LYSET: variants seen among roughly 807,000 people sequenced by gnomAD.
LYSET encodes the protein lysosomal enzyme trafficking factor.
the LYSET span, chr14:93,185,231 C>T: frequency 4.9e-6 from 2 of 411,794 alleles, no homozygotes; most frequent in African/African-American, 2.1e-5. Flanking sequence ...GCCTCCCTGC[C>T]GGGTCAGGTT....
the LYSET span, among the ~76,000 whole-genome samples, chr14:93,187,933 AT>A: frequency 6.6e-6 from 1 of 152,044 alleles, no homozygotes; most frequent in Non-Finnish European, 1.5e-5. Context: ...GATTACAGGC[AT>A]GAGCCACCAT....
At chr14:93,185,248 G>A in the LYSET span, 1 of 532,718 alleles carries the variant, frequency 1.9e-6, no homozygotes, top group Non-Finnish European at 3.1e-6. Flanking sequence ...GGTTCTCAGA[G>A]CGGGTCTCCG....
chr14:93,186,655 A>C, the LYSET span: 1 of 1,598,798 alleles, frequency 6.3e-7, no homozygotes, highest in Non-Finnish European at 8.5e-7. Context: ...AGCAGACTAC[A>C]ACTGATTGAC....
the LYSET span, chr14:93,186,697 A>G: frequency 6.4e-7 from 1 of 1,561,938 alleles, no homozygotes; most frequent in South Asian, 1.2e-5. Flanking sequence ...TTTCCCTACG[A>G]TTACAAAACT....
chr14:93,186,818 T>G, the LYSET span: 2 of 818,392 alleles, frequency 2.4e-6, no homozygotes, highest in Non-Finnish European at 3.7e-6. Context: ...GCTATCTTTA[T>G]CTGAATAATA....
At chr14:93,187,889 G>C in the LYSET span, among the ~76,000 whole-genome samples, 1 of 150,964 alleles carries the variant, frequency 6.6e-6, no homozygotes, top group Non-Finnish European at 1.5e-5. Flanking sequence ...CCTAACTAAG[G>C]TAATCCACTT....
At chr14:93,187,489 G>A in the LYSET span, among the ~76,000 whole-genome samples, 4 of 151,880 alleles carry the variant, frequency 2.6e-5, no homozygotes, top group East Asian at 3.9e-4. Flanking sequence ...CCCTGAGAAC[G>A]TACGCTCCAA....
At chr14:93,186,211 C>T in the LYSET span, 13 of 1,526,170 alleles carry the variant, frequency 8.5e-6, no homozygotes, top group East Asian at 2.6e-5. Context: ...GAGTAGTTGC[C>T]GTGACAGCAT....
At chr14:93,187,441 T>A in the LYSET span, among the ~76,000 whole-genome samples, 86 of 150,766 alleles carry the variant, frequency 5.7e-4, no homozygotes, top group East Asian at 2.3e-3. Context: ...ATTAAAAAAA[T>A]TTTTTTTTTC....
the LYSET span, chr14:93,186,325 T>A: frequency 6.2e-7 from 1 of 1,614,198 alleles, no homozygotes; most frequent in Non-Finnish European, 8.5e-7. Flanking sequence ...GGATTGTATC[T>A]GTTAGCCAGT....
chr14:93,187,817 T>G, the LYSET span, among the ~76,000 whole-genome samples: 1 of 151,090 alleles, frequency 6.6e-6, no homozygotes, highest in Non-Finnish European at 1.5e-5. Flanking sequence ...CCTGGCTGAT[T>G]TTTGTTATTT....
chr14:93,186,653 A>G, the LYSET span: 2 of 1,599,144 alleles, frequency 1.3e-6, no homozygotes, highest in South Asian at 1.1e-5. Context: ...TCAGCAGACT[A>G]CAACTGATTG....
At chr14:93,186,377 C>A in the LYSET span, 4 of 1,614,110 alleles carry the variant, frequency 2.5e-6, no homozygotes, top group Non-Finnish European at 3.4e-6. Context: ...GTGAGACTTA[C>A]AACAGGCTGG....
chr14:93,185,402 T>A, the LYSET span: 1 of 1,611,794 alleles, frequency 6.2e-7, no homozygotes, highest in Non-Finnish European at 8.5e-7. Flanking sequence ...TGGCTTTCTC[T>A]GAAATGCCAA....
the LYSET span, chr14:93,185,162 C>A: frequency 6.0e-6 from 1 of 165,406 alleles, no homozygotes; most frequent in Non-Finnish European, 1.3e-5. Flanking sequence ...CGCGGCGTGC[C>A]GGCGCTGCAG....
At chr14:93,185,867 T>TA in the LYSET span, among the ~76,000 whole-genome samples, 1 of 85,032 alleles carries the variant, frequency 1.2e-5, no homozygotes, top group Non-Finnish European at 2.3e-5. Flanking sequence ...ATTTTAGAAT[T>TA]CTTTTTTTTT....
At chr14:93,185,400 T>A in the LYSET span, 1 of 1,611,636 alleles carries the variant, frequency 6.2e-7, no homozygotes, top group Non-Finnish European at 8.5e-7. Flanking sequence ...GTTGGCTTTC[T>A]CTGAAATGCC....
the LYSET span, among the ~76,000 whole-genome samples, chr14:93,186,102 C>G: frequency 6.6e-6 from 1 of 151,946 alleles, no homozygotes. Flanking sequence ...ATCACCTGAC[C>G]TCGTGATCCA....
At chr14:93,187,319 T>C in the LYSET span, among the ~76,000 whole-genome samples, 2 of 152,190 alleles carry the variant, frequency 1.3e-5, no homozygotes. Context: ...GAATGGGGTC[T>C]CGCTATGTTG....
Sources: allele counts gnomAD v4.1 joint callset (sites outside exome capture counted in the v4.1 genomes callset), GRCh38; gene constraint gnomAD v4.1.1; transcripts MANE v1.5; gene names NCBI Gene and HGNC (gene_info 2026-07-23, HGNC 2026-07-21).